The following PIGN variants were observed in gnomAD, a reference collection of about 807,000 sequenced individuals.
PIGN encodes GPI ethanolamine phosphate transferase 1.
Under a neutral mutation model 125.4 loss-of-function variants are expected in PIGN, and 117 were observed. The observed-to-expected ratio is 0.93, with a 90% CI of 0.80 to 1.09. The LOEUF (loss-of-function observed/expected upper bound fraction) is 1.09. Ranked by LOEUF, PIGN falls within the 50% of genes least tolerant of loss-of-function variation. The probability of loss-of-function intolerance (pLI) is 0.00; values close to 1 mark genes in which losing one functional copy is unlikely to be tolerated. For missense variants in PIGN, 1,075 were observed against 1,094.9 expected (o/e 0.98, Z 0.26); for synonymous variants, 392 against 377.8 (o/e 1.04, Z -0.44).
chr18:62,022,102 C>T, intron 23 of PIGN, among the ~76,000 whole-genome samples: 1 of 152,166 alleles, frequency 6.6e-6, no homozygotes, highest in Middle Eastern at 3.2e-3. Flanking sequence ...GAAGATCCCC[C>T]CTCCAGTCTG....
chr18:62,169,724 G>T (rs2037284403), intron 1 of PIGN, among the ~76,000 whole-genome samples: 1 of 152,104 alleles, frequency 6.6e-6, no homozygotes, highest in Non-Finnish European at 1.5e-5. Context: ...GGGCTCAAGT[G>T]ATCCTCCCAC....
At position 62,106,828 on chromosome 18, in the gene PIGN, T is replaced by C. The variant is rs753758318; in HGVS notation, c.1728A>G (p.Ala576=). 71 of 1,609,128 alleles carry C rather than the reference T, an allele frequency of 4.4e-5. No individual in the cohort carries two copies. The highest frequency in any genetic ancestry group is 5.8e-5 in the Non-Finnish European group (68 of 1,177,792). The stretch of plus-strand genomic sequence containing the variant: ...ACAGCCGAGTGAGAAATGGCCAAGC[T>C]GCAAAGGCAGTAAGTCCAGCGGTAA... ...YMLTAGLTAF[A]AWPFLTRLWT... The change falls in exon 19 of 31, where the codon GCA becomes GCG. Residue 576 remains alanine, a synonymous_variant. Transcript: ENST00000640252.
Position 62,105,458 on chromosome 18 carries a change from AC to A in PIGN, c.1859+84del, listed in dbSNP as rs1487557453. 6.6e-6 allele frequency: 5 copies of A among 752,956 alleles called. No homozygotes were observed. The East Asian group carries it at 1.1e-4, about 17-fold the overall frequency. The allele number at this position is 752,956 out of a possible 1,614,324, so 46.6% of individuals were successfully genotyped here. A position where few individuals can be genotyped will look rare whatever the true frequency, so the allele number is the denominator to read the frequency against. On this transcript the variant is annotated intron_variant, in intron 20 of 30. Transcript: ENST00000640252. ...TAGTTCACATGATTTTATATTCTTG[AC>A]CAAGATTAGGTTCAAATTTTACAGT... is the stretch of plus-strand genomic sequence containing the variant.
intron 10 of PIGN, among the ~76,000 whole-genome samples, chr18:62,144,294 G>A (rs1345845342): frequency 6.6e-6 from 1 of 152,134 alleles, no homozygotes; most frequent in Non-Finnish European, 1.5e-5. Flanking sequence ...ATTTACCACA[G>A]AGCAGTCAGA....
intron 23 of PIGN, among the ~76,000 whole-genome samples, chr18:62,027,567 G>A (rs1055588771): frequency 6.6e-6 from 1 of 152,146 alleles, no homozygotes; most frequent in Admixed American, 6.5e-5. Flanking sequence ...TAACAGACAC[G>A]GTTGCATTCT....
At chr18:62,062,935 GCT>G (rs1424675739) in intron 30 of PIGN, among the ~76,000 whole-genome samples, 2 of 44,412 alleles carry the variant, frequency 4.5e-5, no homozygotes, top group Non-Finnish European at 8.3e-5. Flanking sequence ...GCTGTTTTGT[GCT>G]GTTTATTCCA....
At chr18:62,129,637 A>G (rs1407379434) in intron 14 of PIGN, among the ~76,000 whole-genome samples, 1 of 152,164 alleles carries the variant, frequency 6.6e-6, no homozygotes, top group Non-Finnish European at 1.5e-5. Context: ...TATACTGTCT[A>G]TATGTTCCCA....
chr18:62,089,885 C>T (rs1327433220), intron 24 of PIGN, among the ~76,000 whole-genome samples: 1 of 152,082 alleles, frequency 6.6e-6, no homozygotes, highest in Non-Finnish European at 1.5e-5. Context: ...CAAGAAACAT[C>T]AATTTAACTC....
intron 23 of PIGN, among the ~76,000 whole-genome samples, chr18:62,019,001 G>C (rs2030019714): frequency 6.6e-6 from 1 of 152,150 alleles, no homozygotes; most frequent in South Asian, 2.1e-4. Context: ...AGGATCATTT[G>C]AGGCCAGGAG....
At chr18:62,060,523 G>A (rs2032054018) in intron 30 of PIGN, among the ~76,000 whole-genome samples, 1 of 147,548 alleles carries the variant, frequency 6.8e-6, no homozygotes, top group African/African-American at 2.4e-5. Flanking sequence ...CAGTACAGAT[G>A]TTTTATGACA....
intron 14 of PIGN, 88 bp from the exon 15 acceptor site, chr18:62,114,727 G>T: frequency 1.7e-6 from 1 of 582,488 alleles, no homozygotes; most frequent in Non-Finnish European, 2.8e-6. Context: ...AACAAAGATA[G>T]TGAAAATTAC....
rs138523257 is a variant in PIGN at position 62,178,914 on chromosome 18, T to C, written c.-236+7930A>G. Reference sequence around the variant, plus strand: ...ATCTGTATCTCACATCCTTTTTCTGTTCCAGAAACTCTACCAGGATACCAC... The same window carrying C: ...ATCTGTATCTCACATCCTTTTTCTGCTCCAGAAACTCTACCAGGATACCAC... On this transcript the variant is annotated intron_variant, in intron 1 of 30. Coordinates refer to ENST00000640252, the MANE Select transcript of PIGN (RefSeq NM_176787.5). 7.2e-5 allele frequency among the ~76,000 whole-genome samples: 11 copies of C among 152,316 alleles called. No homozygotes were observed. In the East Asian group the frequency reaches 2.1e-3, roughly 29 times the overall value.
At chr18:62,143,592 G>C (rs2036214564) in intron 10 of PIGN, among the ~76,000 whole-genome samples, 1 of 152,126 alleles carries the variant, frequency 6.6e-6, no homozygotes, top group Admixed American at 6.5e-5. Flanking sequence ...TGTTTACTGG[G>C]AGATAATTGT....
intron 30 of PIGN, among the ~76,000 whole-genome samples, chr18:62,051,519 T>C (rs1410147909): frequency 1.3e-5 from 2 of 152,208 alleles, no homozygotes; most frequent in Non-Finnish European, 2.9e-5. Flanking sequence ...CTGATGGTAG[T>C]TTGTATTTCT....
chr18:62,082,262 C>T (rs1336942476), intron 28 of PIGN, among the ~76,000 whole-genome samples: 3 of 151,942 alleles, frequency 2.0e-5, no homozygotes, highest in Non-Finnish European at 4.4e-5. Flanking sequence ...AATTTTAAGT[C>T]ATGGAAAATG....
intron 30 of PIGN, among the ~76,000 whole-genome samples, chr18:62,047,179 T>C (rs117088154): frequency 7.0e-4 from 107 of 152,372 alleles, no homozygotes; most frequent in Non-Finnish European, 1.2e-3. Flanking sequence ...TATTCCAGCA[T>C]AGGCTGAGTG....
At chr18:62,135,889 T>C (rs1176619742) in intron 14 of PIGN, 1 of 152,140 alleles carries the variant, frequency 6.6e-6, no homozygotes, top group African/African-American at 2.4e-5. Context: ...CCCTCACTTA[T>C]TCTCACTCTC....
At chr18:62,048,505 A>G (rs2030928747) in intron 30 of PIGN, among the ~76,000 whole-genome samples, 1 of 152,132 alleles carries the variant, frequency 6.6e-6, no homozygotes, top group Admixed American at 6.5e-5. Context: ...ATCAGAAAAT[A>G]TGGAAACCAG....
intron 23 of PIGN, among the ~76,000 whole-genome samples, chr18:62,030,392 T>TC (rs2030179960): frequency 6.6e-6 from 1 of 152,210 alleles, no homozygotes; most frequent in South Asian, 2.1e-4. Flanking sequence ...GAGGCACTTC[T>TC]CAAGTAAGCC....
Sources: gnomAD v4.1 joint callset for allele counts (sites outside exome capture counted in the v4.1 genomes callset) on GRCh38, gnomAD v4.1.1 for gene constraint, MANE v1.5 for transcripts, NCBI Gene and HGNC (gene_info 2026-07-23, HGNC 2026-07-21) for gene names.